SLF1: variants seen among roughly 807,000 people sequenced by gnomAD.
SLF1 encodes SMC5-SMC6 complex localization factor protein 1.
In SLF1, 105 loss-of-function variants were observed where a neutral mutation model predicts 123.0. The ratio of observed to expected loss-of-function variants is 0.85; its 90% confidence interval spans 0.73 to 1.00. SLF1 has a LOEUF of 1.00. SLF1 is among the 50% of genes least tolerant of loss of function. SLF1 has a pLI of 0.00. For synonymous variants in SLF1, 434 were observed against 406.6 expected (o/e 1.07, Z -0.81); for missense variants, 1,239 against 1,223.0 (o/e 1.01, Z -0.20).
intron 5 of SLF1, among the ~76,000 whole-genome samples, chr5:94,648,999 A>C (rs1342768943): frequency 6.6e-6 from 1 of 152,218 alleles, no homozygotes; most frequent in African/African-American, 2.4e-5. Context: ...GTTTATTGCT[A>C]TTCAAGTAAG....
intron 14 of SLF1, among the ~76,000 whole-genome samples, chr5:94,672,919 C>G (rs1484523436): frequency 1.3e-5 from 2 of 152,088 alleles, no homozygotes; most frequent in Admixed American, 6.6e-5. Flanking sequence ...TGATAAAGAC[C>G]AGAGTATCTT....
intron 4 of SLF1, among the ~76,000 whole-genome samples, chr5:94,642,367 A>T (rs943485070): frequency 6.6e-6 from 1 of 152,186 alleles, no homozygotes; most frequent in Admixed American, 6.5e-5. Context: ...TATGTCACAG[A>T]CTTTCAACTT....
At position 94,670,212 on chromosome 5, in the gene SLF1, C is replaced by T. The variant is rs749149744; in HGVS notation, c.1594C>T (p.Leu532Phe). ...QISENIGSKV[L>F]HLTLLKFFFN... ...TTCAGAAAATATTGGCTCCAAGGTG[C>T]TCCACCTGACGCTACTCAAATTTTT... The change falls in exon 13 of 21, where the codon CTC becomes TTC. Residue 532 changes from leucine to phenylalanine, a missense_variant. Coordinates refer to ENST00000265140, the MANE Select transcript of SLF1 (RefSeq NM_032290.4). 149 of 1,528,672 alleles carry T rather than the reference C, an allele frequency of 9.7e-5. No individual in the cohort carries two copies. Among genetic ancestry groups the T allele is most frequent in the Non-Finnish European group, 1.2e-4 (132 of 1,138,910 alleles). The allele number at this position is 1,528,672 out of a possible 1,614,324, so 94.7% of individuals were successfully genotyped here.
intron 1 of SLF1, among the ~76,000 whole-genome samples, chr5:94,622,928 G>A (rs995729786): frequency 2.6e-5 from 4 of 151,836 alleles, no homozygotes; most frequent in African/African-American, 9.7e-5. Context: ...TCTCATTTTT[G>A]TAGCACCTTC....
At chr5:94,647,064 A>G (rs1317199346) in intron 5 of SLF1, among the ~76,000 whole-genome samples, 1 of 152,182 alleles carries the variant, frequency 6.6e-6, no homozygotes, top group East Asian at 1.9e-4. Context: ...CAGAGCAGAA[A>G]CTTAAAGCCA....
At chr5:94,631,432 G>C (rs1349855572) in intron 4 of SLF1, among the ~76,000 whole-genome samples, 1 of 151,954 alleles carries the variant, frequency 6.6e-6, no homozygotes, top group African/African-American at 2.4e-5. Context: ...ACCAACACCA[G>C]GCAACCACTA....
chr5:94,621,047 G>A lies in SLF1; in HGVS notation c.-1+2282G>A, dbSNP rs141592509. 2.6e-5 allele frequency among the ~76,000 whole-genome samples: 4 copies of A among 152,216 alleles called. 1 individual carries two copies. Among genetic ancestry groups the A allele is most frequent in the Admixed American group, 2.6e-4 (4 of 15,284 alleles). On this transcript the variant is annotated intron_variant, in intron 1 of 20. Transcript: ENST00000265140. ...GAAATGCTTTGAAATTTTAGGCACT[G>A]TTATTTTACTGAAAATAATTTATAA...
chr5:94,624,401 A>C (rs1792051229), intron 1 of SLF1, among the ~76,000 whole-genome samples: 1 of 152,214 alleles, frequency 6.6e-6, no homozygotes, highest in Non-Finnish European at 1.5e-5. Flanking sequence ...AAAGTGGGTC[A>C]TTTCCATCAT....
At chr5:94,647,863 A>G (rs1747243775) in intron 5 of SLF1, among the ~76,000 whole-genome samples, 1 of 152,216 alleles carries the variant, frequency 6.6e-6, no homozygotes, top group Admixed American at 6.5e-5. Context: ...TGATTTTTAA[A>G]TAGTTAACTT....
chr5:94,684,269 G>A (rs1752136072), intron 15 of SLF1, among the ~76,000 whole-genome samples: 1 of 152,162 alleles, frequency 6.6e-6, no homozygotes, highest in Admixed American at 6.5e-5. Flanking sequence ...TATAATTAGA[G>A]ATTAAATGTT....
chr5:94,663,606 C>T, intron 10 of SLF1, 144 bp from the exon 11 acceptor site: 3 of 725,786 alleles, frequency 4.1e-6, no homozygotes, highest in Non-Finnish European at 6.4e-6. Flanking sequence ...GATCGCACCA[C>T]TGCATTCCAG....
intron 4 of SLF1, 82 bp downstream of exon 4, chr5:94,630,825 CA>C: frequency 1.4e-6 from 2 of 1,430,568 alleles, no homozygotes; most frequent in South Asian, 2.8e-5. Flanking sequence ...TATTTTTTTG[CA>C]ATTATTAGCC....
At chr5:94,664,411 C>T (rs1250123513) in intron 11 of SLF1, among the ~76,000 whole-genome samples, 1 of 152,202 alleles carries the variant, frequency 6.6e-6, no homozygotes, top group African/African-American at 2.4e-5. Context: ...CCCCCTGCTT[C>T]AGCCTCCCAA....
At chr5:94,621,947 G>A (rs779850423) in intron 1 of SLF1, among the ~76,000 whole-genome samples, 2 of 151,860 alleles carry the variant, frequency 1.3e-5, no homozygotes, top group Non-Finnish European at 2.9e-5. Flanking sequence ...TTGAAGGATG[G>A]GGCAGGAAAT....
At chr5:94,653,488 A>T in intron 8 of SLF1, 67 bp downstream of exon 8, 7 of 1,289,038 alleles carry the variant, frequency 5.4e-6, no homozygotes, top group Non-Finnish European at 7.3e-6. Flanking sequence ...TATAATCTAG[A>T]TATATAATGC....
chr5:94,693,417 T>C (rs1368468899), intron 20 of SLF1, among the ~76,000 whole-genome samples: 2 of 152,206 alleles, frequency 1.3e-5, no homozygotes, highest in Non-Finnish European at 2.9e-5. Context: ...ATTATTGTAT[T>C]AGGTCCAGCT....
chr5:94,691,427 G>A, intron 18 of SLF1, 137 bp from the exon 19 acceptor site: 1 of 511,308 alleles, frequency 2.0e-6, no homozygotes, highest in African/African-American at 2.1e-5. Context: ...TGCAGGGGAT[G>A]TTTAAACCAG....
At chr5:94,686,511 C>A in intron 15 of SLF1, 62 bp from the exon 16 acceptor site, 1 of 1,547,710 alleles carries the variant, frequency 6.5e-7, no homozygotes, top group Non-Finnish European at 8.8e-7. Context: ...AAGGAAATAG[C>A]CTATGGAAAA....
chr5:94,636,629 T>C (rs1477528691), intron 4 of SLF1, among the ~76,000 whole-genome samples: 2 of 152,024 alleles, frequency 1.3e-5, no homozygotes, highest in Non-Finnish European at 2.9e-5. Context: ...TTCTTTTTCT[T>C]TGTCAGACTT....
Sources: allele counts gnomAD v4.1 joint callset (sites outside exome capture counted in the v4.1 genomes callset), GRCh38; gene constraint gnomAD v4.1.1; transcripts MANE v1.5; gene names NCBI Gene and HGNC (gene_info 2026-07-23, HGNC 2026-07-21).